Variants in KCTD9 observed in about 807,000 individuals in gnomAD.
The protein encoded by KCTD9 is potassium channel tetramerization domain containing 9, also known as BTB/POZ domain-containing protein KCTD9.
In KCTD9, 17 loss-of-function variants were observed where a neutral mutation model predicts 53.3. That is an observed-to-expected ratio of 0.32 (90% CI 0.22 to 0.48). The LOEUF (loss-of-function observed/expected upper bound fraction) is 0.48, where lower values mean the gene tolerates loss of function less well. KCTD9 is among the 20% of genes least tolerant of loss of function. The pLI is 0.99. For synonymous variants in KCTD9, 128 were observed against 162.7 expected (o/e 0.79, Z 1.62); for missense variants, 179 against 465.5 (o/e 0.38, Z 5.66).
At chr8:25,436,375 G>T in intron 7 of KCTD9, 43 bp downstream of exon 7, 1 of 1,592,106 alleles carries the variant, frequency 6.3e-7, no homozygotes, top group Non-Finnish European at 8.6e-7. Context: ...TTGGGAGATA[G>T]CTACAATGAA....
chr8:25,449,836 GA>G (rs67882048), intron 1 of KCTD9, among the ~76,000 whole-genome samples: 9,549 of 149,766 alleles, frequency 0.064, 375 homozygotes, highest in South Asian at 0.1. Context: ...AAAAAATGAA[GA>G]AAAAAAAACA....
intron 4 of KCTD9, among the ~76,000 whole-genome samples, chr8:25,440,327 G>A (rs1201858110): frequency 2.0e-5 from 3 of 151,954 alleles, no homozygotes; most frequent in African/African-American, 7.3e-5. Context: ...CAAAGTGCTG[G>A]GATTACAGGC....
chr8:25,443,778 C>A (rs753675709), intron 3 of KCTD9, among the ~76,000 whole-genome samples: 1 of 152,140 alleles, frequency 6.6e-6, no homozygotes, highest in Non-Finnish European at 1.5e-5. Context: ...ATCTTCCTTT[C>A]GGCCTTTTCT....
chr8:25,447,181 G>C (rs1056033001), intron 1 of KCTD9, among the ~76,000 whole-genome samples: 1 of 152,018 alleles, frequency 6.6e-6, no homozygotes, highest in East Asian at 1.9e-4. Flanking sequence ...AGCACTTAAG[G>C]CCTGGAGTTT....
rs193089136 is a variant in KCTD9, at chr8:25,451,366, A to G, written c.49-5116T>C. On this transcript the variant is annotated intron_variant, in intron 1 of 11. Coordinates refer to ENST00000221200, the MANE Select transcript of KCTD9 (RefSeq NM_017634.4). ...GAAAGAGGAGCAATAAAAATCTTGT[A>G]TATCATGGACATAAGCTCCAGTTAG... The G allele has an allele frequency of 1.6e-4, 24 of 152,300 alleles. 1 individual carries two copies. The highest frequency in any genetic ancestry group is 5.8e-4 in the East Asian group (3 of 5,186). The allele number at this position is 152,300 out of a possible 1,614,324, so 9.4% of individuals were successfully genotyped here.
intron 6 of KCTD9, among the ~76,000 whole-genome samples, chr8:25,436,731 G>A (rs948522318): frequency 1.3e-5 from 2 of 152,096 alleles, no homozygotes; most frequent in African/African-American, 4.8e-5. Flanking sequence ...TCTTATAGGA[G>A]AATAAATTTT....
chr8:25,437,434 G>A (rs1219965782), intron 6 of KCTD9, among the ~76,000 whole-genome samples: 1 of 152,110 alleles, frequency 6.6e-6, no homozygotes, highest in African/African-American at 2.4e-5. Flanking sequence ...CAGCACTTTG[G>A]GAGGCTGAGG....
In KCTD9 at chr8:25,429,012, G is replaced by A. The variant is rs1801884001; in HGVS notation, c.*845C>T. The stretch of plus-strand genomic sequence containing the variant: ...TTTTGAAGTATCTTCCTATGCTTGT[G>A]ATGACTGTATGAGAAAACTAGGCTA... On this transcript the variant is annotated 3_prime_UTR_variant, in exon 12 of 12. Coordinates refer to ENST00000221200, the MANE Select transcript of KCTD9 (RefSeq NM_017634.4). The A allele has an allele frequency of 6.6e-6, 1 of 152,186 alleles. No individual in the cohort carries two copies. Among genetic ancestry groups the A allele is most frequent in the Non-Finnish European group, 1.5e-5 (1 of 68,030 alleles). 9.4% of individuals were successfully genotyped at this position (152,186 alleles called of 1,614,324 possible). A position where few individuals can be genotyped will look rare whatever the true frequency, so the allele number is the denominator to read the frequency against.
chr8:25,436,090 AAATC>A (rs1164244057), intron 8 of KCTD9, 141 bp downstream of exon 8: 1 of 658,610 alleles, frequency 1.5e-6, no homozygotes, highest in Non-Finnish European at 2.7e-6. Context: ...TTTCAGAACT[AAATC>A]AATGCTATGA....
At chr8:25,449,800 C>CA (rs762562827) in intron 1 of KCTD9, among the ~76,000 whole-genome samples, 2 of 150,262 alleles carry the variant, frequency 1.3e-5, no homozygotes, top group Non-Finnish European at 3.0e-5. Flanking sequence ...TTCTATTAGA[C>CA]AGTGCCATTT....
At chr8:25,436,876 G>C (rs1244048747) in intron 6 of KCTD9, among the ~76,000 whole-genome samples, 3 of 152,264 alleles carry the variant, frequency 2.0e-5, no homozygotes, top group East Asian at 1.9e-4. Flanking sequence ...GAATGTGTGG[G>C]AATACATTTG....
intron 1 of KCTD9, 30 bp downstream of exon 1, chr8:25,458,169 G>GCCCCC: frequency 2.7e-6 from 4 of 1,460,174 alleles, no homozygotes; most frequent in Non-Finnish European, 3.8e-6. Context: ...CCGACCCCCG[G>GCCCCC]CCCGCCGCGC....
Position 25,436,282 on chromosome 8 carries a change from C to A in KCTD9, c.616G>T (p.Val206Phe). ...DHSPISRKEFVRFLLATPTKS... is the reference protein window; with the variant it reads ...DHSPISRKEFFRFLLATPTKS... Reference sequence around the variant, plus strand: ...GTTGGAGTTGCTAGCAAAAATCGGACAAATTCCTTTCGGGATATTGGTGAA... The same window carrying A: ...GTTGGAGTTGCTAGCAAAAATCGGAAAAATTCCTTTCGGGATATTGGTGAA... The change falls in exon 8 of 12, where the codon GTC (valine) becomes TTC (phenylalanine). Residue 206 changes from valine (V) to phenylalanine (F), a missense_variant. By Grantham distance (50) the Val-to-Phe change is conservative. Transcript: ENST00000221200. The A allele has an allele frequency of 6.2e-7, 1 of 1,612,392 alleles. No individual in the cohort carries two copies. Among genetic ancestry groups the A allele is most frequent in the Non-Finnish European group, 8.5e-7 (1 of 1,179,672 alleles).
At chr8:25,445,524 T>G (rs1802200201) in intron 2 of KCTD9, among the ~76,000 whole-genome samples, 1 of 152,156 alleles carries the variant, frequency 6.6e-6, no homozygotes, top group South Asian at 2.1e-4. Context: ...CAATACTTAA[T>G]TTGTGTTCCC....
chr8:25,441,022 A>T (rs888214654), intron 3 of KCTD9, among the ~76,000 whole-genome samples: 1 of 152,228 alleles, frequency 6.6e-6, no homozygotes, highest in Non-Finnish European at 1.5e-5. Flanking sequence ...TCATCCCAAA[A>T]GTGGGTGATG....
In KCTD9 at chr8:25,432,444, T is replaced by G. The variant is rs553038268; in HGVS notation, c.1053+60A>C. On this transcript the variant is annotated intron_variant, in intron 11 of 11. Transcript: ENST00000221200. ...ACTTTGTTTTGATTTCAATAAATTT[T>G]GCATGAGATGCTTAGTAAGTCTAGA... 5 of 1,447,348 alleles carry G rather than the reference T, an allele frequency of 3.5e-6. No individual in the cohort carries two copies. The East Asian group carries it at 1.2e-4, about 34-fold the overall frequency. The allele number at this position is 1,447,348 out of a possible 1,614,324, so 89.7% of individuals were successfully genotyped here. A position where few individuals can be genotyped will look rare whatever the true frequency, so the allele number is the denominator to read the frequency against.
At chr8:25,451,391 G>C (rs747673386) in intron 1 of KCTD9, 3 of 152,134 alleles carry the variant, frequency 2.0e-5, no homozygotes, top group African/African-American at 7.2e-5. Context: ...GCTCCAGTTA[G>C]TATATACTAA....
chr8:25,436,541 A>AT, intron 6 of KCTD9, 56 bp from the exon 7 acceptor site: 1 of 1,044,748 alleles, frequency 9.6e-7, no homozygotes, highest in Non-Finnish European at 1.4e-6. Context: ...TATTACATTC[A>AT]TTTTGAATTT....
Position 25,429,687 on chromosome 8 carries a change from A to AG in KCTD9, c.*169dup. ...GTTAAAAATCAGAATATGGAAAAAA[A>AG]GTCAGTTTTTTCCCTTATGCACCAC... On this transcript the variant is annotated 3_prime_UTR_variant, in exon 12 of 12. Coordinates refer to ENST00000221200, the MANE Select transcript of KCTD9 (RefSeq NM_017634.4). The AG allele has an allele frequency of 5.5e-6, 3 of 544,190 alleles. No homozygotes were observed. The East Asian group carries it at 9.7e-5, about 18-fold the overall frequency. 33.7% of individuals were successfully genotyped at this position (544,190 alleles called of 1,614,324 possible).
Sources: allele counts gnomAD v4.1 joint callset (sites outside exome capture counted in the v4.1 genomes callset), GRCh38; gene constraint gnomAD v4.1.1; transcripts MANE v1.5; gene names NCBI Gene and HGNC (gene_info 2026-07-23, HGNC 2026-07-21).